NT5E: variants seen among roughly 807,000 people sequenced by gnomAD.
NT5E encodes the protein 5'-nucleotidase ecto.
In NT5E, 53 loss-of-function variants were observed where a neutral mutation model predicts 55.1. The ratio of observed to expected loss-of-function variants is 0.96; its 90% CI spans 0.77 to 1.21. The LOEUF (loss-of-function observed/expected upper bound fraction) is 1.21. Among genes scored for constraint, NT5E ranks in the 50% most tolerant of loss-of-function variants. NT5E has a pLI of 0.00. For synonymous variants in NT5E, 270 were observed against 278.4 expected, an observed-to-expected ratio of 0.97 and a Z score of 0.30; for missense variants, 683 against 724.3, an observed-to-expected ratio of 0.94 and a Z score of 0.65.
intron 2 of NT5E, among the ~76,000 whole-genome samples, chr6:85,469,822 T>A (rs571091644): frequency 6.6e-6 from 1 of 152,358 alleles, no homozygotes; most frequent in East Asian, 1.9e-4. Context: ...CTGGCTATGA[T>A]GTCAGCCATG....
intron 7 of NT5E, 104 bp downstream of exon 7, chr6:85,490,761 T>C: frequency 7.3e-7 from 1 of 1,372,068 alleles, no homozygotes; most frequent in African/African-American, 1.4e-5. Context: ...TCAAACTGGT[T>C]TGGATTTTTC....
chr6:85,461,417 C>T (rs751929702), intron 1 of NT5E, among the ~76,000 whole-genome samples: 32 of 152,172 alleles, frequency 2.1e-4, no homozygotes, highest in Non-Finnish European at 4.1e-4. Context: ...ATAACTTTAG[C>T]AGGAAATTGA....
chr6:85,465,365 A>C (rs1446387320), intron 1 of NT5E, among the ~76,000 whole-genome samples: 1 of 152,242 alleles, frequency 6.6e-6, no homozygotes, highest in African/African-American at 2.4e-5. Context: ...TTAAAAACAA[A>C]ATAATTTTAT....
At chr6:85,480,031 G>A (rs932812322) in intron 3 of NT5E, among the ~76,000 whole-genome samples, 8 of 152,164 alleles carry the variant, frequency 5.3e-5, no homozygotes, top group Non-Finnish European at 5.9e-5. Context: ...CATTACAAAA[G>A]ATGACGCACC....
intron 6 of NT5E, 29 bp downstream of exon 6, chr6:85,489,628 T>A: frequency 6.8e-7 from 1 of 1,476,124 alleles, no homozygotes; most frequent in Non-Finnish European, 9.5e-7. Flanking sequence ...CTCCTCAGTG[T>A]GTCATGTTCT....
chr6:85,478,715 A>G (rs1769484068), intron 3 of NT5E, among the ~76,000 whole-genome samples: 1 of 151,320 alleles, frequency 6.6e-6, no homozygotes, highest in African/African-American at 2.4e-5. Context: ...TTAGACATAT[A>G]TGATCTGTTA....
intron 3 of NT5E, among the ~76,000 whole-genome samples, chr6:85,477,320 C>T (rs1028807398): frequency 6.6e-6 from 1 of 151,974 alleles, no homozygotes; most frequent in African/African-American, 2.4e-5. Flanking sequence ...AGTAAGATTT[C>T]TTTATTTGAT....
At chr6:85,487,225 T>C in intron 4 of NT5E, 110 bp from the exon 5 acceptor site, 13 of 1,053,386 alleles carry the variant, frequency 1.2e-5, no homozygotes, top group Non-Finnish European at 1.9e-5. Flanking sequence ...ACAAATATGG[T>C]AAACAAATAT....
rs1768933731 is a variant in NT5E at position 85,453,616 on chromosome 6, G to GC, written c.339+3139dup. On this transcript the variant is annotated intron_variant, in intron 1 of 8. Transcript: ENST00000257770. ...ACCAAGACAGGCTGTGGGGAAGGTA[G>GC]CTTTGAGCAGGTCTCTAGGGTCCCC... Among the ~76,000 whole-genome samples the GC allele has an allele frequency of 3.3e-5, 5 of 152,190 alleles. No individual in the cohort carries two copies. In the South Asian group the frequency reaches 6.2e-4, roughly 19 times the overall value.
rs202247637 is a variant in NT5E, at chr6:85,467,356, G to T, written c.562+74G>T. 16 of 1,248,164 alleles carry T rather than the reference G, an allele frequency of 1.3e-5. No individual in the cohort carries two copies. The East Asian group carries it at 3.6e-4, about 28-fold the overall frequency. The allele number at this position is 1,248,164 out of a possible 1,614,324, so 77.3% of individuals were successfully genotyped here. The stretch of plus-strand genomic sequence containing the variant: ...ATCACAGCTTGGCATTATATTTATG[G>T]ACTGTAGATAAAAGTAGGAACAACT... On this transcript the variant is annotated intron_variant, in intron 2 of 8. Transcript: ENST00000257770.
chr6:85,475,418 A>G (rs1769410202), intron 3 of NT5E, among the ~76,000 whole-genome samples: 1 of 152,216 alleles, frequency 6.6e-6, no homozygotes. Flanking sequence ...TTTCCTTTCC[A>G]AGTACCATGC....
intron 3 of NT5E, among the ~76,000 whole-genome samples, chr6:85,478,026 C>CA (rs11433942): frequency 0.31 from 31,319 of 101,778 alleles, 4,741 homozygotes; most frequent in African/African-American, 0.51. Flanking sequence ...GACCTTGTCT[C>CA]AAAAAAAAAA....
chr6:85,456,254 T>A (rs978885589), intron 1 of NT5E, among the ~76,000 whole-genome samples: 1 of 152,208 alleles, frequency 6.6e-6, no homozygotes, highest in Non-Finnish European at 1.5e-5. Context: ...CTCCCATGCC[T>A]TGCCCTGTGC....
intron 8 of NT5E, 137 bp from the exon 9 acceptor site, chr6:85,493,704 T>A: frequency 1.5e-6 from 1 of 687,104 alleles, no homozygotes; most frequent in Non-Finnish European, 2.5e-6. Context: ...GTACTTATGA[T>A]CACTAGCGTT....
At chr6:85,453,573 T>A (rs1291732297) in intron 1 of NT5E, among the ~76,000 whole-genome samples, 1 of 152,206 alleles carries the variant, frequency 6.6e-6, no homozygotes, top group African/African-American at 2.4e-5. Context: ...GGTATCCACC[T>A]CCAGAGGTGA....
Position 85,494,196 on chromosome 6 carries a change from A to C in NT5E, c.*192A>C, listed in dbSNP as rs1339486251. ...GTCAGCAACCTAGTGAGTTAGAAAAAAAATTAACATAGGGCCCTATAAGGA... is the reference window on the plus strand; with the variant it reads ...GTCAGCAACCTAGTGAGTTAGAAAACAAATTAACATAGGGCCCTATAAGGA... On this transcript the variant is annotated 3_prime_UTR_variant, in exon 9 of 9. Transcript: ENST00000257770. 2 of 617,506 alleles carry C rather than the reference A, an allele frequency of 3.2e-6. No individual in the cohort carries two copies. Among genetic ancestry groups the C allele is most frequent in the Non-Finnish European group, 5.6e-6 (2 of 354,164 alleles). 38.3% of individuals were successfully genotyped at this position (617,506 alleles called of 1,614,324 possible). A position where few individuals can be genotyped will look rare whatever the true frequency, so the allele number is the denominator to read the frequency against.
At chr6:85,478,599 G>A (rs1488702757) in intron 3 of NT5E, among the ~76,000 whole-genome samples, 3 of 152,148 alleles carry the variant, frequency 2.0e-5, no homozygotes, top group Admixed American at 6.5e-5. Flanking sequence ...ACCACTCTGA[G>A]CATCAGCTTT....
Position 85,479,351 on chromosome 6 carries a change from A to G in NT5E, c.752-5884A>G, listed in dbSNP as rs182063397. ...CAGTATATGTTTCCCCCAGGCCAAGAAACATTTATGGCTAGGAATTCATGA... is the reference window on the plus strand; with the variant it reads ...CAGTATATGTTTCCCCCAGGCCAAGGAACATTTATGGCTAGGAATTCATGA... On this transcript the variant is annotated intron_variant, in intron 3 of 8. Coordinates refer to ENST00000257770, the MANE Select transcript of NT5E (RefSeq NM_002526.4). 9.8e-5 allele frequency among the ~76,000 whole-genome samples: 15 copies of G among 152,318 alleles called. No individual in the cohort carries two copies. In the East Asian group the frequency reaches 2.5e-3, roughly 25 times the overall value.
rs866148648 is a variant in NT5E, at chr6:85,450,311, A to G, written c.172A>G (p.Met58Val). 6 of 1,604,456 alleles carry G rather than the reference A, an allele frequency of 3.7e-6. No homozygotes were observed. The highest frequency in any genetic ancestry group is 3.3e-4 in the Middle Eastern group (2 of 6,052). ...CAAGTGCGTCAACGCCAGCCGCTGCATGGGTGGCGTGGCTCGGCTCTTCAC... is the reference window on the plus strand; with the variant it reads ...CAAGTGCGTCAACGCCAGCCGCTGCGTGGGTGGCGTGGCTCGGCTCTTCAC... ...SSKCVNASRC[M>V]GGVARLFTKV... Residue 58 changes from methionine to valine, a missense_variant, in exon 1 of 9, where the codon ATG (methionine) becomes GTG (valine). Transcript: ENST00000257770. This position sits in a 1 kb window ranked among gnomAD's most constrained non-coding sequence, Gnocchi z 4.0.
Sources: allele counts gnomAD v4.1 joint callset (sites outside exome capture counted in the v4.1 genomes callset), GRCh38; gene constraint gnomAD v4.1.1; non-coding constraint Gnocchi (gnomAD v3.1); transcripts MANE v1.5; gene names NCBI Gene and HGNC (gene_info 2026-07-23, HGNC 2026-07-21).